The following PDAP1 variants were observed in gnomAD, a reference collection of about 807,000 sequenced individuals.
PDAP1 encodes 28 kDa heat- and acid-stable phosphoprotein.
PDAP1 carries 13 observed loss-of-function variants against 28.0 expected under a neutral mutation model. That is an observed-to-expected ratio of 0.46 (90% CI 0.30 to 0.74). PDAP1 has a LOEUF of 0.74. PDAP1 is among the 30% of genes least tolerant of loss of function. The pLI is 0.07. For synonymous variants in PDAP1, 77 were observed against 85.1 expected, an observed-to-expected ratio of 0.91 and a Z score of 0.52; for missense variants, 150 against 230.0, an observed-to-expected ratio of 0.65 and a Z score of 2.25.
At chr7:99,407,714 G>A (rs1795007543) in intron 1 of PDAP1, among the ~76,000 whole-genome samples, 1 of 152,186 alleles carries the variant, frequency 6.6e-6, no homozygotes, top group Non-Finnish European at 1.5e-5. Flanking sequence ...CAGGGCCACA[G>A]AATTAGACGT....
In PDAP1 at chr7:99,404,968, A is replaced by G. The variant is rs1031760814; in HGVS notation, c.14-15T>C. 3.7e-6 allele frequency: 6 copies of G among 1,600,854 alleles called. No homozygotes were observed. The highest frequency in any genetic ancestry group is 5.1e-6 in the Non-Finnish European group (6 of 1,168,606). On this transcript the variant is annotated splice_polypyrimidine_tract_variant and intron_variant, in intron 1 of 5. Coordinates refer to ENST00000350498, the MANE Select transcript of PDAP1 (RefSeq NM_014891.7). ...TCCCTTTCTTCCTGCAGAGACCCGCAGTTTAGGTGAGCGGAAGCAGCTGCC... is the reference window on the plus strand; with the variant it reads ...TCCCTTTCTTCCTGCAGAGACCCGCGGTTTAGGTGAGCGGAAGCAGCTGCC...
chr7:99,406,698 G>T (rs1794978030), intron 1 of PDAP1: 5 of 711,400 alleles, frequency 7.0e-6, no homozygotes, highest in Non-Finnish European at 8.6e-6. Flanking sequence ...ACAGGAAGCT[G>T]AGGCCCACCT....
rs2150901249 is a variant in PDAP1, at chr7:99,395,188, C to T, written c.*1494G>A. ...TGTTTTGAGATGGAGTTTTGCTCGTCACCCAGGCTGGAGTGCAGTTGTGCG... is the reference window on the plus strand; with the variant it reads ...TGTTTTGAGATGGAGTTTTGCTCGTTACCCAGGCTGGAGTGCAGTTGTGCG... On this transcript the variant is annotated 3_prime_UTR_variant, in exon 6 of 6. Coordinates refer to ENST00000350498, the MANE Select transcript of PDAP1 (RefSeq NM_014891.7). The T allele has an allele frequency of 6.6e-6, 1 of 152,296 alleles. No individual in the cohort carries two copies. Among genetic ancestry groups the T allele is most frequent in the African/African-American group, 2.4e-5 (1 of 41,496 alleles). 9.4% of individuals were successfully genotyped at this position (152,296 alleles called of 1,614,324 possible). A position where few individuals can be genotyped will look rare whatever the true frequency, so the allele number is the denominator to read the frequency against.
chr7:99,403,352 T>C (rs1390108744), intron 3 of PDAP1, 46 bp downstream of exon 3: 3 of 1,163,456 alleles, frequency 2.6e-6, no homozygotes, highest in East Asian at 2.3e-5. Context: ...CGTTTGTTTG[T>C]TGAATGAATG....
intron 4 of PDAP1, 115 bp downstream of exon 4, chr7:99,400,188 G>A: frequency 2.6e-6 from 3 of 1,171,204 alleles, no homozygotes; most frequent in African/African-American, 3.1e-5. Context: ...GGGCCATTGG[G>A]GAATGAGACA....
chr7:99,408,419 G>T (rs946694350), intron 1 of PDAP1, 117 bp downstream of exon 1: 3 of 947,238 alleles, frequency 3.2e-6, no homozygotes, highest in African/African-American at 3.4e-5. Context: ...GCTCTCAGCC[G>T]GTGCGGACAG....
At position 99,396,746 on chromosome 7, in the gene PDAP1, G is replaced by A. The variant is rs746828845; in HGVS notation, c.488-6C>T. 1.2e-5 allele frequency: 20 copies of A among 1,611,656 alleles called. No homozygotes were observed. In the Middle Eastern group the frequency reaches 1.4e-3, roughly 111 times the overall value. On this transcript the variant is annotated splice_region_variant and splice_polypyrimidine_tract_variant and intron_variant, in intron 5 of 5. Coordinates refer to ENST00000350498, the MANE Select transcript of PDAP1 (RefSeq NM_014891.7). ...CAATGTGGCATCGTCTTTTGCTGAG[G>A]GGTGGGAGAAGGGCAGGGGTTAAAA...
rs1584425426 is a variant in PDAP1, at chr7:99,408,528, C to T, written c.13+8G>A. On this transcript the variant is annotated splice_region_variant and intron_variant, in intron 1 of 5. Coordinates refer to ENST00000350498, the MANE Select transcript of PDAP1 (RefSeq NM_014891.7). ...CAGGCCTGCGGGCCACCGGCGCCCGCCCCTCACCTCCTTTAGGCATTGCGG... is the reference window on the plus strand; with the variant it reads ...CAGGCCTGCGGGCCACCGGCGCCCGTCCCTCACCTCCTTTAGGCATTGCGG... 7.6e-7 allele frequency: 1 copy of T among 1,313,182 alleles called. No individual in the cohort carries two copies. Among genetic ancestry groups the T allele is most frequent in the Non-Finnish European group, 9.7e-7 (1 of 1,030,432 alleles). 81.3% of individuals were successfully genotyped at this position (1,313,182 alleles called of 1,614,324 possible).
chr7:99,406,635 C>T (rs1241895094), intron 1 of PDAP1: 1 of 984,452 alleles, frequency 1.0e-6, no homozygotes, highest in Non-Finnish European at 1.2e-6. Flanking sequence ...AAGGTGGCAT[C>T]CCCCTCTGCT....
At position 99,408,564 on chromosome 7, in the gene PDAP1, T is replaced by TGCGGCGGCG. The variant is rs753335575; in HGVS notation, c.-25_-17dup. 2,807 of 1,264,588 alleles carry TGCGGCGGCG rather than the reference T, an allele frequency of 2.2e-3. 8 individuals are homozygous for TGCGGCGGCG. The highest frequency in any genetic ancestry group is 2.6e-3 in the Non-Finnish European group (2,614 of 1,002,300). The allele number at this position is 1,264,588 out of a possible 1,614,324, so 78.3% of individuals were successfully genotyped here. A position where few individuals can be genotyped will look rare whatever the true frequency, so the allele number is the denominator to read the frequency against. ...CTTTAGGCATTGCGGCTCCGGCGGC[T>TGCGGCGGCG]GCGGCGGCGGCGGCGGCGCCTCGAA... On this transcript the variant is annotated 5_prime_UTR_variant, in exon 1 of 6. Transcript: ENST00000350498.
In PDAP1 at chr7:99,399,655, C is replaced by A. The variant is rs140092414; in HGVS notation, c.335+648G>T. ...TCCCCACGAGGCTTTCACAGACACA[C>A]CCCTCAGCCATTATCCTAAATTCCC... On this transcript the variant is annotated intron_variant, in intron 4 of 5. Transcript: ENST00000350498. 1.5e-3 allele frequency among the ~76,000 whole-genome samples: 222 copies of A among 152,292 alleles called. 2 individuals are homozygous for A. The highest frequency in any genetic ancestry group is 4.7e-3 in the African/African-American group (197 of 41,568).
In PDAP1 at chr7:99,403,520, G is replaced by C. The variant is rs1443011757; in HGVS notation, c.106-15C>G. On this transcript the variant is annotated splice_polypyrimidine_tract_variant and intron_variant, in intron 2 of 5. Transcript: ENST00000350498. ...TCCTCTTCTTCCTGTTTCAGAAATG[G>C]ACAACCTGCAGAATCAAAAATGCAA... 4 of 1,514,572 alleles carry C rather than the reference G, an allele frequency of 2.6e-6. No individual in the cohort carries two copies. The highest frequency in any genetic ancestry group is 1.7e-5 in the Admixed American group (1 of 59,858). The allele number at this position is 1,514,572 out of a possible 1,614,324, so 93.8% of individuals were successfully genotyped here.
At chr7:99,399,199 G>A in intron 4 of PDAP1, among the ~76,000 whole-genome samples, 1 of 152,132 alleles carries the variant, frequency 6.6e-6, no homozygotes, top group Non-Finnish European at 1.5e-5. Flanking sequence ...TAGAGGGGAG[G>A]GAGAGGGACT....
chr7:99,398,172 C>T (rs999670321), intron 4 of PDAP1, among the ~76,000 whole-genome samples, 159 bp from the exon 5 acceptor site: 1 of 152,184 alleles, frequency 6.6e-6, no homozygotes, highest in African/African-American at 2.4e-5. Context: ...GCTTGGTGGA[C>T]GTTCACCAAG....
At chr7:99,399,495 C>T (rs1794825177) in intron 4 of PDAP1, among the ~76,000 whole-genome samples, 1 of 152,294 alleles carries the variant, frequency 6.6e-6, no homozygotes. Context: ...GAAGGCTGCA[C>T]AGCTGCCAAT....
Position 99,401,054 on chromosome 7 carries a change from C to T in PDAP1, c.214-630G>A, listed in dbSNP as rs550906639. On this transcript the variant is annotated intron_variant, in intron 3 of 5. Coordinates refer to ENST00000350498, the MANE Select transcript of PDAP1 (RefSeq NM_014891.7). ...AAGTTTCAGGCCCTGTCAATTCCAT[C>T]AATTCTCCTTAAGGGGGCAGGGAGA... Among the ~76,000 whole-genome samples the T allele has an allele frequency of 7.2e-5, 11 of 152,272 alleles. 1 individual carries two copies. The highest frequency in any genetic ancestry group is 6.5e-4 in the Admixed American group (10 of 15,294).
rs1313135436 is a variant in PDAP1 at position 99,408,589 on chromosome 7, A to T, written c.-41T>A. On this transcript the variant is annotated 5_prime_UTR_variant, in exon 1 of 6. Coordinates refer to ENST00000350498, the MANE Select transcript of PDAP1 (RefSeq NM_014891.7). ...TGCGGCGGCGGCGGCGGCGCCTCGA[A>T]CTGACACCGGAACCGGAAATAGCTT... The T allele has an allele frequency of 4.8e-6, 6 of 1,241,986 alleles. No individual in the cohort carries two copies. The South Asian group carries it at 1.8e-4, about 37-fold the overall frequency. The allele number at this position is 1,241,986 out of a possible 1,614,324, so 76.9% of individuals were successfully genotyped here.
intron 4 of PDAP1, 66 bp downstream of exon 4, chr7:99,400,237 T>C (rs1794839151): frequency 2.5e-6 from 4 of 1,579,728 alleles, no homozygotes; most frequent in East Asian, 2.2e-5. Flanking sequence ...CTGGGGACCT[T>C]AGCATCCCAC....
chr7:99,408,414 C>G (rs1795029293), intron 1 of PDAP1, 122 bp downstream of exon 1: 4 of 915,780 alleles, frequency 4.4e-6, no homozygotes, highest in African/African-American at 1.7e-5. Flanking sequence ...GCCTGGCTCT[C>G]AGCCGGTGCG....
Sources: allele counts gnomAD v4.1 joint callset (sites outside exome capture counted in the v4.1 genomes callset), GRCh38; gene constraint gnomAD v4.1.1; transcripts MANE v1.5; gene names NCBI Gene and HGNC (gene_info 2026-07-23, HGNC 2026-07-21).